Variants in DGKA observed in about 807,000 individuals in gnomAD.
DGKA encodes diacylglycerol kinase alpha.
In DGKA, 35 loss-of-function variants were observed where a neutral mutation model predicts 105.0. The ratio of observed to expected loss-of-function variants is 0.33; its 90% CI spans 0.25 to 0.44. The LOEUF (loss-of-function observed/expected upper bound fraction) is 0.44. DGKA is among the 20% of genes least tolerant of loss of function. The probability of loss-of-function intolerance (pLI) is 1.00; values close to 1 mark genes in which losing one functional copy is unlikely to be tolerated. For synonymous variants in DGKA, 296 were observed against 332.0 expected (o/e 0.89, Z 1.18); for missense variants, 665 against 915.0 (o/e 0.73, Z 3.53).
chr12:55,944,541 C>A (rs1273236478), intron 17 of DGKA, among the ~76,000 whole-genome samples: 1 of 152,146 alleles, frequency 6.6e-6, no homozygotes, highest in African/African-American at 2.4e-5. Flanking sequence ...AAGGGATTAT[C>A]ACTATGGGAG....
In DGKA at chr12:55,952,320, CT is replaced by C. The variant is rs1356611055; in HGVS notation, c.1653-19del. ...TGTAACCTGTCCCTCCCTACTGGGC[CT>C]TGTGTTGGGGCTGACACAGAATGAA... On this transcript the variant is annotated intron_variant, in intron 19 of 23. Coordinates refer to ENST00000331886, the MANE Select transcript of DGKA (RefSeq NM_001345.5). The surrounding 1 kb of genome is among the most constrained non-coding windows in gnomAD (Gnocchi z 5.1). The C allele has an allele frequency of 6.2e-7, 1 of 1,613,214 alleles. No individual in the cohort carries two copies. The highest frequency in any genetic ancestry group is 8.5e-7 in the Non-Finnish European group (1 of 1,179,162).
In DGKA at chr12:55,932,492, C is replaced by G; in HGVS notation, c.-82+1148C>G. The G allele has an allele frequency of 1.4e-6, 1 of 701,486 alleles. No homozygotes were observed. Among genetic ancestry groups the G allele is most frequent in the South Asian group, 1.5e-5 (1 of 67,532 alleles). The allele number at this position is 701,486 out of a possible 1,614,324, so 43.5% of individuals were successfully genotyped here. On this transcript the variant is annotated intron_variant, in intron 1 of 23. Transcript: ENST00000331886. The surrounding 1 kb of genome is among the most constrained non-coding windows in gnomAD (Gnocchi z 4.3). Reference sequence around the variant, plus strand: ...CAGGTCCCCAACTTCCCACCCCATCCTCTCCCCACCTGTCACTGGGAAGTT... The same window carrying G: ...CAGGTCCCCAACTTCCCACCCCATCGTCTCCCCACCTGTCACTGGGAAGTT...
At chr12:55,949,903 G>A (rs538089525) in intron 17 of DGKA, among the ~76,000 whole-genome samples, 89 of 151,900 alleles carry the variant, frequency 5.9e-4, no homozygotes, top group African/African-American at 2.1e-3. Context: ...CCACAGCCTC[G>A]AACTCCTAGG....
rs779362240 is a variant in DGKA, at chr12:55,940,717, G to C, written c.1012G>C (p.Val338Leu). 4 of 1,612,442 alleles carry C rather than the reference G, an allele frequency of 2.5e-6. No individual in the cohort carries two copies. Among genetic ancestry groups the C allele is most frequent in the Non-Finnish European group, 3.4e-6 (4 of 1,179,590 alleles). ...GCCTCCATCTTCCATCTATCCCAGTGTCCTGGTGAGACCCTCGGCAGCAGC... is the reference window on the plus strand; with the variant it reads ...GCCTCCATCTTCCATCTATCCCAGTCTCCTGGTGAGACCCTCGGCAGCAGC... The part of the protein sequence containing the change: ...ILPPSSIYPS[V>L]LASGPDRKNS... The change falls in exon 12 of 24, where the codon GTC becomes CTC. Residue 338 changes from valine to leucine, a missense_variant. Coordinates refer to ENST00000331886, the MANE Select transcript of DGKA (RefSeq NM_001345.5). The surrounding 1 kb of genome is among the most constrained non-coding windows in gnomAD (Gnocchi z 4.3).
rs1328663151 is a variant in DGKA, at chr12:55,953,191, GAA to G, written c.2063+32_2063+33del. 4 of 1,613,932 alleles carry G rather than the reference GAA, an allele frequency of 2.5e-6. No homozygotes were observed. The East Asian group carries it at 8.9e-5, about 36-fold the overall frequency. On this transcript the variant is annotated intron_variant, in intron 22 of 23. Coordinates refer to ENST00000331886, the MANE Select transcript of DGKA (RefSeq NM_001345.5). The stretch of plus-strand genomic sequence containing the variant: ...GAAGACTCCACCAGGGTCCCTGAGG[GAA>G]GGTGTGGGGCTGGGGCAGCAGAAGG...
chr12:55,935,054 C>G (rs1314896999), intron 1 of DGKA, among the ~76,000 whole-genome samples: 1 of 152,160 alleles, frequency 6.6e-6, no homozygotes, highest in African/African-American at 2.4e-5. Flanking sequence ...TGGGCTGGAG[C>G]CTTGGATTTT....
chr12:55,939,709 G>A, intron 9 of DGKA, 180 bp downstream of exon 9: 1 of 642,724 alleles, frequency 1.6e-6, no homozygotes, highest in South Asian at 2.0e-5. Flanking sequence ...CTGAAAATGA[G>A]GTAATTGTGA....
intron 17 of DGKA, among the ~76,000 whole-genome samples, chr12:55,951,147 C>T (rs1888066316): frequency 6.6e-6 from 1 of 152,122 alleles, no homozygotes; most frequent in African/African-American, 2.4e-5. Context: ...TTTGAAATGA[C>T]ATCACATACT....
intron 4 of DGKA, 147 bp downstream of exon 4, chr12:55,937,690 G>A: frequency 9.2e-7 from 1 of 1,089,220 alleles, no homozygotes; most frequent in Non-Finnish European, 1.3e-6. Context: ...AGGAGCTAAA[G>A]GGAGGAAAGG....
chr12:55,937,264 T>G, intron 3 of DGKA, 144 bp from the exon 4 acceptor site: 1 of 1,222,250 alleles, frequency 8.2e-7, no homozygotes, highest in Non-Finnish European at 1.2e-6. Context: ...TTCTATTAAC[T>G]CAGGACTTAA....
At chr12:55,936,838 A>G in intron 2 of DGKA, 179 bp from the exon 3 acceptor site, 1 of 809,566 alleles carries the variant, frequency 1.2e-6, no homozygotes, top group Non-Finnish European at 2.1e-6. Flanking sequence ...CAGCTCTCAG[A>G]GAAGAGGAGT....
rs1386928392 is a variant in DGKA at position 55,939,238 on chromosome 12, C to G, written c.527C>G (p.Ser176Cys). ...EIDYDGSGSV[S>C]QAEWVRAGAT... ...GACTATGATGGCAGTGGCTCTGTCT[C>G]TCAAGCTGAGTGGGTCCGGGCTGGG... Residue 176 changes from serine (S) to cysteine (C), a missense_variant, in exon 8 of 24, where the codon TCT (serine) becomes TGT (cysteine). Ser to Cys is a moderately radical substitution (Grantham distance 112). Around this residue, in one of 3 missense-constraint regions of DGKA, gnomAD observed 504 missense variants for 681.2 expected, o/e 0.74. Coordinates refer to ENST00000331886, the MANE Select transcript of DGKA (RefSeq NM_001345.5). The G allele has an allele frequency of 6.2e-7, 1 of 1,614,090 alleles. No homozygotes were observed. Among genetic ancestry groups the G allele is most frequent in the Non-Finnish European group, 8.5e-7 (1 of 1,180,048 alleles).
In DGKA at chr12:55,952,890, A is replaced by G. The variant is rs1286970626; in HGVS notation, c.1900A>G (p.Lys634Glu). ...CAACCAGGCCTTAGGTGCTACAGCT[A>G]AAGTCATCACCGACCCTGATATCCT... ...GINQALGATA[K>E]VITDPDILKT... is the part of the protein sequence containing the mutation. Residue 634 changes from lysine to glutamate, a missense_variant, in exon 21 of 24, where the codon AAA becomes GAA. Around this residue, in one of 3 missense-constraint regions of DGKA, gnomAD observed 158 missense variants for 213.4 expected, o/e 0.74. Coordinates refer to ENST00000331886, the MANE Select transcript of DGKA (RefSeq NM_001345.5). The surrounding 1 kb of genome is among the most constrained non-coding windows in gnomAD (Gnocchi z 5.1). 1 of 1,614,208 alleles carries G rather than the reference A, an allele frequency of 6.2e-7. No individual in the cohort carries two copies. Among genetic ancestry groups the G allele is most frequent in the South Asian group, 1.1e-5 (1 of 91,088 alleles).
intron 6 of DGKA, 143 bp downstream of exon 6, chr12:55,938,703 G>C: frequency 6.3e-7 from 1 of 1,575,616 alleles, no homozygotes; most frequent in South Asian, 1.2e-5. Flanking sequence ...TTGAAAGTAA[G>C]TCCCAAGCTC....
At chr12:55,949,063 C>T (rs1316476258) in intron 17 of DGKA, among the ~76,000 whole-genome samples, 3 of 151,830 alleles carry the variant, frequency 2.0e-5, no homozygotes, top group African/African-American at 4.8e-5. Flanking sequence ...GTCATCAGTA[C>T]GTTGTCACCG....
chr12:55,931,528 C>T (rs898846611), intron 1 of DGKA, 184 bp downstream of exon 1: 20 of 152,396 alleles, frequency 1.3e-4, no homozygotes, highest in African/African-American at 4.6e-4. Flanking sequence ...GGGTAGAGCC[C>T]GGGGCGGGAG....
At chr12:55,933,848 C>A (rs1174607402) in intron 1 of DGKA, among the ~76,000 whole-genome samples, 1 of 152,206 alleles carries the variant, frequency 6.6e-6, no homozygotes, top group African/African-American at 2.4e-5. Context: ...AGAAATGTTT[C>A]TCTAGGTACT....
In DGKA at chr12:55,936,452, G is replaced by A. The variant is rs1481782377; in HGVS notation, c.-52G>A. 2 of 1,602,718 alleles carry A rather than the reference G, an allele frequency of 1.2e-6. No individual in the cohort carries two copies. Among genetic ancestry groups the A allele is most frequent in the East Asian group, 4.5e-5 (2 of 44,706 alleles). On this transcript the variant is annotated 5_prime_UTR_variant, in exon 2 of 24. Coordinates refer to ENST00000331886, the MANE Select transcript of DGKA (RefSeq NM_001345.5). ...ACCCTCTGAAGAGGTCCAAGCAACGGAAGTACTACTACGAAGCTGCCTTTC... is the reference window on the plus strand; with the variant it reads ...ACCCTCTGAAGAGGTCCAAGCAACGAAAGTACTACTACGAAGCTGCCTTTC...
At chr12:55,938,638 G>T (rs780692770) in intron 6 of DGKA, 78 bp downstream of exon 6, 1 of 1,609,734 alleles carries the variant, frequency 6.2e-7, no homozygotes, top group Non-Finnish European at 8.5e-7. Context: ...ACTCTTCCAG[G>T]GTCTTAAGAA....
Sources: allele counts gnomAD v4.1 joint callset (sites outside exome capture counted in the v4.1 genomes callset), GRCh38; gene constraint gnomAD v4.1.1; regional missense constraint gnomAD v4.1.1; non-coding constraint Gnocchi (gnomAD v3.1); transcripts MANE v1.5; gene names NCBI Gene and HGNC (gene_info 2026-07-23, HGNC 2026-07-21).